Variants in NF2 observed in about 807,000 individuals in gnomAD.
The protein encoded by NF2 is NF2, moesin-ezrin-radixin like (MERLIN) tumor suppressor, also known as merlin.
NF2 carries 8 observed loss-of-function variants against 83.7 expected under a neutral mutation model. That is an observed-to-expected ratio of 0.10 (90% CI 0.06 to 0.17). The LOEUF is 0.17. NF2 is among the 10% of genes least tolerant of loss of function. The pLI, the probability that NF2 is intolerant of heterozygous loss-of-function variation, is 1.00. For synonymous variants in NF2, 266 were observed against 269.6 expected, an observed-to-expected ratio of 0.99 and a Z score of 0.13; for missense variants, 533 against 744.4, an observed-to-expected ratio of 0.72 and a Z score of 3.31.
At chr22:29,642,837 C>T (rs1219423982) in intron 4 of NF2, among the ~76,000 whole-genome samples, 1 of 152,200 alleles carries the variant, frequency 6.6e-6, no homozygotes. Context: ...CCTGCTTCAT[C>T]TGCCCCTGAT....
rs1247047951 is a variant in NF2, at chr22:29,636,016, A to T, written c.115-735A>T. 6.6e-6 allele frequency among the ~76,000 whole-genome samples: 1 copy of T among 152,226 alleles called. No homozygotes were observed. Among genetic ancestry groups the T allele is most frequent in the African/African-American group, 2.4e-5 (1 of 41,450 alleles). The stretch of plus-strand genomic sequence containing the variant: ...ACTTGCTTTTCCACATAGCAGATGG[A>T]ATAGCTGAGAAAAGAGATTGCCATT... On this transcript the variant is annotated intron_variant, in intron 1 of 15. Coordinates refer to ENST00000338641, the MANE Select transcript of NF2 (RefSeq NM_000268.4). This position sits in a 1 kb window ranked among gnomAD's most constrained non-coding sequence, Gnocchi z 4.4.
intron 1 of NF2, among the ~76,000 whole-genome samples, chr22:29,630,147 C>T (rs2065470224): frequency 6.6e-6 from 1 of 152,184 alleles, no homozygotes; most frequent in Non-Finnish European, 1.5e-5. Flanking sequence ...TCAACCTGGC[C>T]AGTTGCAAGA....
intron 10 of NF2, among the ~76,000 whole-genome samples, chr22:29,671,267 A>G (rs1053083609): frequency 3.9e-5 from 6 of 152,222 alleles, no homozygotes; most frequent in Non-Finnish European, 7.3e-5. Flanking sequence ...GCGGCGGCTC[A>G]TGCCTGTAAT....
intron 8 of NF2, among the ~76,000 whole-genome samples, chr22:29,664,659 G>A (rs1331203600): frequency 6.6e-6 from 1 of 152,226 alleles, no homozygotes; most frequent in Non-Finnish European, 1.5e-5. Flanking sequence ...CTTCATGAAG[G>A]TGGGCCCATG....
At chr22:29,656,733 G>A (rs2066322697) in intron 6 of NF2, among the ~76,000 whole-genome samples, 1 of 152,052 alleles carries the variant, frequency 6.6e-6, no homozygotes, top group South Asian at 2.1e-4. Flanking sequence ...TAAAACAAGA[G>A]TTGTTGGGAC....
intron 15 of NF2, among the ~76,000 whole-genome samples, chr22:29,686,339 CT>C (rs1417017201): frequency 7.2e-5 from 11 of 152,324 alleles, no homozygotes; most frequent in Non-Finnish European, 1.3e-4. Context: ...AAAGTAAAAA[CT>C]TTTAAAAAGC....
chr22:29,682,946 CA>C, intron 15 of NF2: 1 of 1,566,394 alleles, frequency 6.4e-7, no homozygotes, highest in African/African-American at 1.3e-5. Context: ...AAGCATTTTG[CA>C]GATGGCACTT....
chr22:29,673,562 T>C (rs2066873294), intron 12 of NF2, 76 bp downstream of exon 12: 3 of 1,479,832 alleles, frequency 2.0e-6, no homozygotes, highest in Non-Finnish European at 1.9e-6. Context: ...GAGGCTGAGC[T>C]CTACAGCAGT....
intron 15 of NF2, among the ~76,000 whole-genome samples, chr22:29,682,013 T>C (rs575144429): frequency 6.6e-6 from 1 of 152,322 alleles, no homozygotes; most frequent in Non-Finnish European, 1.5e-5. Flanking sequence ...GCAAGGACTA[T>C]AAAACCAAAC....
intron 15 of NF2, among the ~76,000 whole-genome samples, chr22:29,691,310 G>A (rs564531928): frequency 6.6e-6 from 1 of 152,328 alleles, no homozygotes; most frequent in South Asian, 2.1e-4. Flanking sequence ...TCACCAGAGT[G>A]GCTTCAGTGC....
At chr22:29,669,499 C>A (rs908956046) in intron 10 of NF2, among the ~76,000 whole-genome samples, 11 of 151,878 alleles carry the variant, frequency 7.2e-5, no homozygotes, top group Non-Finnish European at 1.5e-4. Context: ...CAAGCAAGAC[C>A]CTGTTTTAAA....
At chr22:29,616,782 C>G (rs2065092574) in intron 1 of NF2, among the ~76,000 whole-genome samples, 1 of 151,064 alleles carries the variant, frequency 6.6e-6, no homozygotes, top group Non-Finnish European at 1.5e-5. Flanking sequence ...ATTCTTAGTT[C>G]TCAGGCCACA....
chr22:29,616,494 C>T (rs1205333012), intron 1 of NF2, among the ~76,000 whole-genome samples: 2 of 152,198 alleles, frequency 1.3e-5, no homozygotes, highest in African/African-American at 2.4e-5. Context: ...CATGTAATCC[C>T]AGCACTTCGG....
chr22:29,614,843 T>C (rs1451862906), intron 1 of NF2, among the ~76,000 whole-genome samples: 1 of 151,586 alleles, frequency 6.6e-6, no homozygotes, highest in Non-Finnish European at 1.5e-5. Context: ...AGGCCAGGAG[T>C]TTGAGACCAG....
At chr22:29,644,022 A>AC (rs71167018) in intron 4 of NF2, among the ~76,000 whole-genome samples, 29 of 94,086 alleles carry the variant, frequency 3.1e-4, no homozygotes, top group South Asian at 1.2e-3. Flanking sequence ...CGGGGGGCTG[A>AC]CCCCCCCACC....
intron 13 of NF2, among the ~76,000 whole-genome samples, chr22:29,676,904 T>A (rs914171188): frequency 7.9e-6 from 1 of 126,714 alleles, no homozygotes; most frequent in East Asian, 2.2e-4. Context: ...AAATTACAAC[T>A]GTACAGTTTG....
chr22:29,680,188 T>TGTA (rs1569310854), intron 14 of NF2, among the ~76,000 whole-genome samples: 1 of 151,892 alleles, frequency 6.6e-6, no homozygotes, highest in African/African-American at 2.4e-5. Context: ...CTCGGCTCAC[T>TGTA]GTAACCTCCA....
chr22:29,659,419 C>T (rs747553850), intron 7 of NF2, among the ~76,000 whole-genome samples: 2 of 152,208 alleles, frequency 1.3e-5, no homozygotes, highest in Non-Finnish European at 2.9e-5. Flanking sequence ...GTGATCCTTC[C>T]ACCCCAGCCT....
intron 4 of NF2, among the ~76,000 whole-genome samples, chr22:29,653,595 A>G (rs2527337): frequency 0.36 from 55,296 of 152,080 alleles, 10,973 homozygotes; most frequent in Non-Finnish European, 0.47. Flanking sequence ...TGGGAATGAG[A>G]CATGATTTAA....
Sources: gnomAD v4.1 joint callset for allele counts (sites outside exome capture counted in the v4.1 genomes callset) on GRCh38, gnomAD v4.1.1 for gene constraint, Gnocchi (gnomAD v3.1) non-coding constraint, MANE v1.5 for transcripts, NCBI Gene and HGNC (gene_info 2026-07-23, HGNC 2026-07-21) for gene names.